Variants in PLCB1 observed in about 807,000 individuals in gnomAD.
PLCB1 encodes 1-phosphatidylinositol 4,5-bisphosphate phosphodiesterase beta-1.
PLCB1 carries 46 observed loss-of-function variants against 161.8 expected under a neutral mutation model. That is an observed-to-expected ratio of 0.28 (90% CI 0.22 to 0.36). The LOEUF is 0.36. PLCB1 is among the 10% of genes least tolerant of loss of function. The probability of loss-of-function intolerance (pLI) is 1.00; values close to 1 mark genes in which losing one functional copy is unlikely to be tolerated. For missense variants in PLCB1, 1,016 were observed against 1,472.5 expected, an observed-to-expected ratio of 0.69 and a Z score of 5.07; for synonymous variants, 517 against 503.7, an observed-to-expected ratio of 1.03 and a Z score of -0.35.
chr20:8,258,852 A>C (rs1981554361), intron 2 of PLCB1, among the ~76,000 whole-genome samples: 1 of 152,080 alleles, frequency 6.6e-6, no homozygotes, highest in Admixed American at 6.6e-5. Flanking sequence ...GTATGTGTCT[A>C]CAGTTGTGCG....
At chr20:8,340,989 A>T (rs555973469) in intron 2 of PLCB1, among the ~76,000 whole-genome samples, 1 of 152,282 alleles carries the variant, frequency 6.6e-6, no homozygotes, top group East Asian at 1.9e-4. Context: ...CAAGATGCCC[A>T]TGAACCAGTA....
chr20:8,830,125 G>A (rs181629969), intron 31 of PLCB1, among the ~76,000 whole-genome samples: 1 of 152,282 alleles, frequency 6.6e-6, no homozygotes, highest in East Asian at 1.9e-4. Flanking sequence ...TGAATCTTAA[G>A]TCAATATAAG....
intron 19 of PLCB1, among the ~76,000 whole-genome samples, chr20:8,736,701 CCA>C (rs1176347371): frequency 6.6e-6 from 1 of 152,084 alleles, no homozygotes; most frequent in Non-Finnish European, 1.5e-5. Context: ...GGGGGAACTG[CCA>C]CACACTTATT....
intron 27 of PLCB1, among the ~76,000 whole-genome samples, chr20:8,783,764 C>T (rs1983350400): frequency 6.6e-6 from 1 of 152,280 alleles, no homozygotes; most frequent in Admixed American, 6.5e-5. Context: ...AATACAGGCA[C>T]TGATCCCTTC....
At chr20:8,818,714 T>G (rs946069198) in intron 31 of PLCB1, among the ~76,000 whole-genome samples, 1 of 152,162 alleles carries the variant, frequency 6.6e-6, no homozygotes, top group Non-Finnish European at 1.5e-5. Flanking sequence ...AACATGCTTA[T>G]GAATTGGAAG....
chr20:8,779,098 T>C (rs1983079273), intron 27 of PLCB1, among the ~76,000 whole-genome samples: 2 of 152,174 alleles, frequency 1.3e-5, no homozygotes, highest in South Asian at 4.1e-4. Flanking sequence ...CGACAGTATT[T>C]CATCTCCCAA....
At chr20:8,549,539 G>A (rs540936710) in intron 3 of PLCB1, among the ~76,000 whole-genome samples, 2 of 152,108 alleles carry the variant, frequency 1.3e-5, no homozygotes, top group African/African-American at 2.4e-5. Flanking sequence ...TGAATCATGG[G>A]GGCAGTTTCC....
rs748740359 is a variant in PLCB1, at chr20:8,774,542, G to A, written c.2934G>A (p.Ser978=). The A allele has an allele frequency of 2.7e-5, 43 of 1,605,132 alleles. No homozygotes were observed. The highest frequency in any genetic ancestry group is 3.3e-5 in the South Asian group (3 of 89,922). ...GTCAAACTCTGTGTCTTTGCAGATC[G>A]GAACCCAGCAGCCCTGATCATGGTT... ...KSAKKDSKKK[S]EPSSPDHGSS... The change falls in exon 27 of 32, where the codon TCG becomes TCA. Residue 978 remains serine, a synonymous_variant. Transcript: ENST00000338037.
intron 3 of PLCB1, among the ~76,000 whole-genome samples, chr20:8,590,340 A>G (rs1260758439): frequency 6.6e-6 from 1 of 152,190 alleles, no homozygotes; most frequent in Non-Finnish European, 1.5e-5. Flanking sequence ...TATATAAGAA[A>G]TATCAGTTGG....
At chr20:8,304,106 T>A (rs1396107944) in intron 2 of PLCB1, among the ~76,000 whole-genome samples, 11 of 152,180 alleles carry the variant, frequency 7.2e-5, no homozygotes, top group Non-Finnish European at 1.0e-4. Context: ...AAACAGTAAG[T>A]CCTGGCCCAG....
chr20:8,744,736 A>G (rs1468619925), intron 23 of PLCB1, among the ~76,000 whole-genome samples: 3 of 152,110 alleles, frequency 2.0e-5, no homozygotes, highest in Non-Finnish European at 4.4e-5. Context: ...TAAAGGTCTC[A>G]TAATGGAACA....
At chr20:8,537,916 G>A (rs545511386) in intron 3 of PLCB1, among the ~76,000 whole-genome samples, 31 of 152,250 alleles carry the variant, frequency 2.0e-4, no homozygotes, top group Admixed American at 1.4e-3. Flanking sequence ...AAAGTGTCCC[G>A]AGCTAAAAAG....
intron 3 of PLCB1, among the ~76,000 whole-genome samples, chr20:8,491,726 C>T (rs1982955200): frequency 6.6e-6 from 1 of 152,052 alleles, no homozygotes; most frequent in African/African-American, 2.4e-5. Context: ...CTTAATCTTC[C>T]TGGATTCTCA....
chr20:8,427,711 G>A (rs1979847933), intron 3 of PLCB1, among the ~76,000 whole-genome samples: 3 of 152,120 alleles, frequency 2.0e-5, no homozygotes, highest in African/African-American at 7.2e-5. Context: ...TTGATTGGTT[G>A]GAGTAAGGAG....
intron 3 of PLCB1, among the ~76,000 whole-genome samples, chr20:8,579,312 A>G (rs1004613243): frequency 3.3e-5 from 5 of 152,248 alleles, no homozygotes; most frequent in African/African-American, 1.2e-4. Context: ...AGGAGGAATC[A>G]CATGGGCTAG....
chr20:8,773,776 C>A (rs1217575732), intron 26 of PLCB1, among the ~76,000 whole-genome samples: 1 of 152,106 alleles, frequency 6.6e-6, no homozygotes, highest in East Asian at 1.9e-4. Context: ...GAGTTTGAGA[C>A]CATGCTAGCC....
intron 3 of PLCB1, among the ~76,000 whole-genome samples, chr20:8,413,654 T>C (rs542178524): frequency 2.5e-4 from 38 of 152,346 alleles, no homozygotes; most frequent in Non-Finnish European, 3.1e-4. Flanking sequence ...CTATTACCAC[T>C]GTTTGACCAC....
At chr20:8,248,356 G>A (rs1260079371) in intron 2 of PLCB1, among the ~76,000 whole-genome samples, 1 of 151,888 alleles carries the variant, frequency 6.6e-6, no homozygotes, top group African/African-American at 2.4e-5. Context: ...TAGCAAAAGA[G>A]AAATTTCTGA....
intron 10 of PLCB1, among the ~76,000 whole-genome samples, chr20:8,690,139 T>G (rs1267818558): frequency 1.3e-5 from 1 of 78,514 alleles, no homozygotes; most frequent in African/African-American, 3.5e-5. Flanking sequence ...AGGGGTTTTG[T>G]TTTTGCTGTT....
Sources: allele counts gnomAD v4.1 joint callset (sites outside exome capture counted in the v4.1 genomes callset), GRCh38; gene constraint gnomAD v4.1.1; transcripts MANE v1.5; gene names NCBI Gene and HGNC (gene_info 2026-07-23, HGNC 2026-07-21).